Variants in NARS2 observed in about 807,000 individuals in gnomAD.
The protein encoded by NARS2 is asparaginyl-tRNA synthetase.
A neutral mutation model predicts 62.9 loss-of-function variants in NARS2; 60 were observed. The observed-to-expected ratio is 0.95, with a 90% CI of 0.77 to 1.18. The LOEUF (loss-of-function observed/expected upper bound fraction) is 1.18, where lower values mean the gene tolerates loss of function less well. Among genes scored for constraint, NARS2 ranks in the 50% most tolerant of loss-of-function variants. The pLI is 0.00. For synonymous variants in NARS2, 196 were observed against 200.0 expected (o/e 0.98, Z 0.17); for missense variants, 619 against 576.4 (o/e 1.07, Z -0.76).
At chr11:78,443,600 C>A (rs1369854313) in intron 12 of NARS2, 61 bp downstream of exon 12, 2 of 1,241,578 alleles carry the variant, frequency 1.6e-6, no homozygotes, top group African/African-American at 3.0e-5. Flanking sequence ...TATGCAATGA[C>A]CACCTTTGAG....
intron 5 of NARS2, among the ~76,000 whole-genome samples, chr11:78,537,077 G>A (rs1855383981): frequency 6.6e-6 from 1 of 152,116 alleles, no homozygotes; most frequent in African/African-American, 2.4e-5. Flanking sequence ...TGTGTGGTAG[G>A]CTATACCATC....
chr11:78,460,861 G>C (rs1410777123), intron 11 of NARS2, among the ~76,000 whole-genome samples: 2 of 152,110 alleles, frequency 1.3e-5, no homozygotes, highest in African/African-American at 4.8e-5. Context: ...AAATATTCAG[G>C]AAAAACAAAT....
intron 6 of NARS2, among the ~76,000 whole-genome samples, chr11:78,497,131 A>G (rs1374560720): frequency 1.3e-5 from 2 of 152,016 alleles, no homozygotes; most frequent in African/African-American, 2.4e-5. Flanking sequence ...AAGCTATATA[A>G]GGAAAATCCA....
At chr11:78,515,318 T>G (rs4945286) in intron 6 of NARS2, among the ~76,000 whole-genome samples, 110,494 of 151,956 alleles carry the variant, frequency 0.73, 41,062 homozygotes, top group Non-Finnish European at 0.81. Flanking sequence ...CATCACCTGG[T>G]GGCCTGTGAC....
intron 5 of NARS2, among the ~76,000 whole-genome samples, chr11:78,541,650 A>G (rs995303344): frequency 1.3e-5 from 2 of 152,058 alleles, no homozygotes; most frequent in African/African-American, 4.8e-5. Flanking sequence ...TTTGAGGTCA[A>G]TGAGTTATGA....
At chr11:78,457,087 C>G (rs114209011) in intron 11 of NARS2, among the ~76,000 whole-genome samples, 17 of 152,294 alleles carry the variant, frequency 1.1e-4, no homozygotes, top group Admixed American at 6.5e-4. Flanking sequence ...TGAGGTGACA[C>G]AGGTAACTAG....
At chr11:78,555,402 AGAG>A (rs1157629065) in intron 5 of NARS2, 1 of 152,044 alleles carries the variant, frequency 6.6e-6, no homozygotes, top group Non-Finnish European at 1.5e-5. Context: ...ATTCAGTTTT[AGAG>A]TTTTGTTATT....
In NARS2 at chr11:78,553,823, C is replaced by A. The variant is rs1856223742; in HGVS notation, c.594+5716G>T. On this transcript the variant is annotated intron_variant, in intron 5 of 13. Coordinates refer to ENST00000281038, the MANE Select transcript of NARS2 (RefSeq NM_024678.6). The stretch of plus-strand genomic sequence containing the variant: ...TTTGATGTCTGTCATGAAATCTCTG[C>A]CAGGATGGTATTGCCTAGGTTGTCT... Among the ~76,000 whole-genome samples, 3 of 152,126 alleles carry A rather than the reference C, an allele frequency of 2.0e-5. No individual in the cohort carries two copies. In the South Asian group the frequency reaches 6.2e-4, roughly 32 times the overall value.
At chr11:78,495,731 G>C (rs893522777) in intron 6 of NARS2, among the ~76,000 whole-genome samples, 1 of 152,120 alleles carries the variant, frequency 6.6e-6, no homozygotes, top group Non-Finnish European at 1.5e-5. Context: ...GTACCTAAAA[G>C]GGGTCAAACA....
intron 11 of NARS2, among the ~76,000 whole-genome samples, chr11:78,454,149 C>CCACTCTACT (rs1858068924): frequency 1.3e-5 from 2 of 152,200 alleles, no homozygotes; most frequent in Non-Finnish European, 2.9e-5. Context: ...GTAAACGGCA[C>CCACTCTACT]CACTCTACTT....
chr11:78,540,637 AGATGAAGCATGG>A (rs1278303521), intron 5 of NARS2, among the ~76,000 whole-genome samples: 2 of 152,232 alleles, frequency 1.3e-5, no homozygotes, highest in African/African-American at 4.8e-5. Flanking sequence ...GAATACATAA[AGATGAAGCATGG>A]TTCAGAAATT....
At chr11:78,536,750 G>C (rs2135448485) in intron 5 of NARS2, among the ~76,000 whole-genome samples, 1 of 152,200 alleles carries the variant, frequency 6.6e-6, no homozygotes, top group East Asian at 1.9e-4. Context: ...AATAAATTTA[G>C]TGTAGCTTAA....
intron 7 of NARS2, among the ~76,000 whole-genome samples, chr11:78,486,647 A>G (rs1239773816): frequency 6.6e-6 from 1 of 152,222 alleles, no homozygotes; most frequent in Non-Finnish European, 1.5e-5. Flanking sequence ...TTCCATTTCC[A>G]AAGGATTTTA....
At chr11:78,553,730 T>C (rs1856218953) in intron 5 of NARS2, among the ~76,000 whole-genome samples, 1 of 152,250 alleles carries the variant, frequency 6.6e-6, no homozygotes, top group South Asian at 2.1e-4. Flanking sequence ...ACAGTTTCTT[T>C]TGCTATGCAG....
chr11:78,454,309 T>C (rs148370627), intron 11 of NARS2, among the ~76,000 whole-genome samples: 1 of 152,228 alleles, frequency 6.6e-6, no homozygotes, highest in East Asian at 1.9e-4. Flanking sequence ...ATATTGGAGG[T>C]GGGGCCTAGG....
rs1282303475 is a variant in NARS2, at chr11:78,549,299, G to T, written c.594+10240C>A. 2.0e-5 allele frequency among the ~76,000 whole-genome samples: 3 copies of T among 152,224 alleles called. No individual in the cohort carries two copies. The East Asian group carries it at 5.8e-4, about 29-fold the overall frequency. On this transcript the variant is annotated intron_variant, in intron 5 of 13. Transcript: ENST00000281038. ...GAACACTCAGCTCCTAAATCAGGAG[G>T]TCTTGTAGTGAGAATGATCCATTGT...
chr11:78,440,061 T>C (rs528806391), intron 13 of NARS2, among the ~76,000 whole-genome samples: 1 of 152,214 alleles, frequency 6.6e-6, no homozygotes, highest in Non-Finnish European at 1.5e-5. Context: ...AGGATTTTTT[T>C]AAATTAATTA....
chr11:78,502,378 T>A (rs1165171176), intron 6 of NARS2, among the ~76,000 whole-genome samples: 1 of 152,226 alleles, frequency 6.6e-6, no homozygotes, highest in Admixed American at 6.5e-5. Flanking sequence ...GATTTTCCTT[T>A]GTGCACAAGC....
At chr11:78,555,318 T>C (rs1051746796) in intron 5 of NARS2, 3 of 152,210 alleles carry the variant, frequency 2.0e-5, no homozygotes, top group African/African-American at 7.2e-5. Flanking sequence ...AGCTCTTCAT[T>C]GTACATCTGG....
Sources: allele counts gnomAD v4.1 joint callset (sites outside exome capture counted in the v4.1 genomes callset), GRCh38; gene constraint gnomAD v4.1.1; transcripts MANE v1.5; gene names NCBI Gene and HGNC (gene_info 2026-07-23, HGNC 2026-07-21).